Variants in MECOM observed in about 807,000 individuals in gnomAD.
MECOM encodes the protein MDS1 and EVI1 complex locus, also known as histone-lysine N-methyltransferase MECOM.
MECOM carries 13 observed loss-of-function variants against 116.3 expected under a neutral mutation model. That is an observed-to-expected ratio of 0.11 (90% CI 0.07 to 0.18). The LOEUF is 0.18. Ranked by LOEUF, MECOM falls within the 10% of genes least tolerant of loss-of-function variation. The pLI, the probability that MECOM is intolerant of heterozygous loss-of-function variation, is 1.00. For missense variants in MECOM, 1,299 were observed against 1,509.0 expected, an observed-to-expected ratio of 0.86 and a Z score of 2.31; for synonymous variants, 528 against 535.2, an observed-to-expected ratio of 0.99 and a Z score of 0.19.
chr3:169,635,591 C>G (rs1272132569), intron 1 of MECOM, among the ~76,000 whole-genome samples: 1 of 152,224 alleles, frequency 6.6e-6, no homozygotes, highest in Non-Finnish European at 1.5e-5. Flanking sequence ...AAAAGTGAAT[C>G]CATCTTTCAA....
chr3:169,198,988 A>G (rs992257721), intron 2 of MECOM, among the ~76,000 whole-genome samples: 4 of 152,056 alleles, frequency 2.6e-5, no homozygotes, highest in Non-Finnish European at 4.4e-5. Flanking sequence ...TGTGGTCTAT[A>G]TAACAGTCCA....
At chr3:169,094,965 C>A (rs1576863194) in intron 13 of MECOM, 111 bp downstream of exon 13, 1 of 945,494 alleles carries the variant, frequency 1.1e-6, no homozygotes, top group East Asian at 2.9e-5. Context: ...TACAATAAGA[C>A]CTGATTTTGG....
At chr3:169,183,452 C>G (rs1746247398) in intron 2 of MECOM, among the ~76,000 whole-genome samples, 1 of 152,138 alleles carries the variant, frequency 6.6e-6, no homozygotes, top group Non-Finnish European at 1.5e-5. Context: ...TAGATTTCCC[C>G]CTTCTTACCC....
intron 2 of MECOM, among the ~76,000 whole-genome samples, chr3:169,261,183 G>C (rs1316635937): frequency 6.6e-6 from 1 of 152,106 alleles, no homozygotes; most frequent in Admixed American, 6.5e-5. Flanking sequence ...TTACATTACT[G>C]TAAGGGACAA....
At chr3:169,171,797 T>A (rs2149373066) in intron 2 of MECOM, among the ~76,000 whole-genome samples, 1 of 152,002 alleles carries the variant, frequency 6.6e-6, no homozygotes, top group East Asian at 1.9e-4. Flanking sequence ...AGCAAACTAT[T>A]AAAATACAGA....
chr3:169,661,087 C>A (rs1012946601), intron 1 of MECOM, among the ~76,000 whole-genome samples: 1 of 152,142 alleles, frequency 6.6e-6, no homozygotes, highest in South Asian at 2.1e-4. Context: ...GTGGACTGTG[C>A]GTGCGGGAAT....
chr3:169,221,268 C>A (rs1005027592), intron 2 of MECOM, among the ~76,000 whole-genome samples: 1 of 152,160 alleles, frequency 6.6e-6, no homozygotes, highest in Non-Finnish European at 1.5e-5. Context: ...TTCTTCTTCA[C>A]CAGAACTATC....
intron 2 of MECOM, among the ~76,000 whole-genome samples, chr3:169,324,107 T>C (rs950874182): frequency 6.6e-6 from 1 of 152,202 alleles, no homozygotes; most frequent in African/African-American, 2.4e-5. Flanking sequence ...AGGATTTTAT[T>C]TCACCAGAGT....
chr3:169,117,267 T>G (rs955326492), intron 7 of MECOM, among the ~76,000 whole-genome samples: 1 of 152,210 alleles, frequency 6.6e-6, no homozygotes, highest in African/African-American at 2.4e-5. Context: ...TGCCCTGCTA[T>G]TATTTAATTG....
At chr3:169,211,492 C>G (rs1403516108) in intron 2 of MECOM, among the ~76,000 whole-genome samples, 1 of 152,154 alleles carries the variant, frequency 6.6e-6, no homozygotes, top group African/African-American at 2.4e-5. Flanking sequence ...CATCAATGGT[C>G]TCTGAATCTA....
At chr3:169,496,723 C>T (rs954020512) in intron 1 of MECOM, among the ~76,000 whole-genome samples, 6 of 152,198 alleles carry the variant, frequency 3.9e-5, no homozygotes, top group Non-Finnish European at 5.9e-5. Flanking sequence ...ATTTCCACGT[C>T]TTAGTTCATT....
Position 169,360,691 on chromosome 3 carries a change from A to G in MECOM, c.375+20496T>C, listed in dbSNP as rs74846511. Among the ~76,000 whole-genome samples, 614 of 151,922 alleles carry G rather than the reference A, an allele frequency of 4.0e-3. 4 individuals carry two copies. The highest frequency in any genetic ancestry group is 0.014 in the African/African-American group (590 of 41,508). On this transcript the variant is annotated intron_variant, in intron 2 of 16. Coordinates refer to ENST00000651503, the MANE Select transcript of MECOM (RefSeq NM_004991.4). ...GATGGAGAAGAGCCCAGGGGGGAAA[A>G]AAAAGCAAATTCACAGGATGGCCAG...
intron 1 of MECOM, among the ~76,000 whole-genome samples, chr3:169,653,146 T>C (rs1016676805): frequency 7.9e-5 from 12 of 152,222 alleles, no homozygotes; most frequent in African/African-American, 1.2e-4. Context: ...GGATTTAGTA[T>C]GCACTTGAAA....
At chr3:169,481,262 T>C (rs1261780338) in intron 1 of MECOM, among the ~76,000 whole-genome samples, 2 of 152,272 alleles carry the variant, frequency 1.3e-5, no homozygotes, top group African/African-American at 4.8e-5. Context: ...TTAAAAACAA[T>C]TCTGAGACAA....
At position 169,307,128 on chromosome 3, in the gene MECOM, T is replaced by C. The variant is rs148189418; in HGVS notation, c.375+74059A>G. 4.5e-3 allele frequency among the ~76,000 whole-genome samples: 685 copies of C among 152,302 alleles called. 3 individuals carry two copies. The highest frequency in any genetic ancestry group is 7.2e-3 in the Admixed American group (110 of 15,302). Reference sequence around the variant, plus strand: ...GGGCATGGTTCCATTGATCAAACAATTACCCTAGTTTCCCTCACACTCCTT... The same window carrying C: ...GGGCATGGTTCCATTGATCAAACAACTACCCTAGTTTCCCTCACACTCCTT... On this transcript the variant is annotated intron_variant, in intron 2 of 16. Transcript: ENST00000651503.
At chr3:169,606,796 AG>A (rs1195349746) in intron 1 of MECOM, among the ~76,000 whole-genome samples, 2 of 152,204 alleles carry the variant, frequency 1.3e-5, no homozygotes, top group Non-Finnish European at 2.9e-5. Context: ...ACCTGCAGGA[AG>A]GGAGAAAAGA....
intron 1 of MECOM, among the ~76,000 whole-genome samples, chr3:169,640,260 A>T (rs565846894): frequency 6.6e-6 from 1 of 152,332 alleles, no homozygotes; most frequent in African/African-American, 2.4e-5. Context: ...GACCCTAAAG[A>T]ATAATCAGGC....
At chr3:169,464,300 A>G (rs1747928333) in intron 1 of MECOM, among the ~76,000 whole-genome samples, 1 of 152,190 alleles carries the variant, frequency 6.6e-6, no homozygotes, top group Non-Finnish European at 1.5e-5. Flanking sequence ...TGGAATGTAA[A>G]AATGTAGTTA....
chr3:169,625,189 A>C (rs535930858), intron 1 of MECOM, among the ~76,000 whole-genome samples: 22 of 152,320 alleles, frequency 1.4e-4, no homozygotes, highest in African/African-American at 4.6e-4. Context: ...ATTAATAGTG[A>C]GACTTATTTC....
Sources: allele counts gnomAD v4.1 joint callset (sites outside exome capture counted in the v4.1 genomes callset), GRCh38; gene constraint gnomAD v4.1.1; transcripts MANE v1.5; gene names NCBI Gene and HGNC (gene_info 2026-07-23, HGNC 2026-07-21).